NELL1: variants seen among roughly 807,000 people sequenced by gnomAD.
NELL1 encodes protein kinase C-binding protein NELL1.
Under a neutral mutation model 107.4 loss-of-function variants are expected in NELL1, and 76 were observed. The observed-to-expected ratio is 0.71, with a 90% CI of 0.59 to 0.86. The LOEUF is 0.86. Among genes scored for constraint, NELL1 ranks in the 40% least tolerant of loss-of-function variants. The pLI is 0.00. For missense variants in NELL1, 1,024 were observed against 1,005.5 expected (o/e 1.02, Z -0.25); for synonymous variants, 353 against 341.2 (o/e 1.03, Z -0.38).
At chr11:21,181,218 G>T (rs1286667515) in intron 13 of NELL1, among the ~76,000 whole-genome samples, 2 of 151,800 alleles carry the variant, frequency 1.3e-5, no homozygotes, top group African/African-American at 4.9e-5. Flanking sequence ...TTGTATTTAT[G>T]GGGGAAAAGC....
intron 13 of NELL1, among the ~76,000 whole-genome samples, chr11:21,155,612 A>AC (rs1206546654): frequency 2.0e-5 from 3 of 151,736 alleles, no homozygotes; most frequent in Non-Finnish European, 4.4e-5. Context: ...GTGTTGTAAA[A>AC]CCCCCCTTGG....
intron 3 of NELL1, among the ~76,000 whole-genome samples, chr11:20,804,792 A>G (rs1857347547): frequency 6.6e-6 from 1 of 152,172 alleles, no homozygotes; most frequent in South Asian, 2.1e-4. Flanking sequence ...AAAATCTATT[A>G]GGTCTATTTG....
chr11:21,205,186 T>C (rs1394789493), intron 13 of NELL1, among the ~76,000 whole-genome samples: 2 of 152,256 alleles, frequency 1.3e-5, no homozygotes, highest in Non-Finnish European at 2.9e-5. Flanking sequence ...GGCAGGCACA[T>C]TGAAGTCTGT....
chr11:20,830,195 T>G (rs1024034016), intron 3 of NELL1, among the ~76,000 whole-genome samples: 1 of 151,236 alleles, frequency 6.6e-6, no homozygotes, highest in African/African-American at 2.4e-5. Flanking sequence ...TTGCTTGAAC[T>G]TGGGAGATGG....
At chr11:21,185,648 C>T (rs978054210) in intron 13 of NELL1, among the ~76,000 whole-genome samples, 3 of 151,632 alleles carry the variant, frequency 2.0e-5, no homozygotes, top group South Asian at 2.1e-4. Context: ...TCCTAAGCCT[C>T]GGTTTTAGTT....
intron 15 of NELL1, among the ~76,000 whole-genome samples, chr11:21,519,545 GT>G (rs5790192): frequency 5.4e-5 from 8 of 147,120 alleles, no homozygotes; most frequent in East Asian, 2.0e-4. Flanking sequence ...TTTGTTTTTT[GT>G]TTTTTTTTTT....
chr11:21,570,443 A>G (rs188452395), intron 17 of NELL1, among the ~76,000 whole-genome samples: 2 of 152,026 alleles, frequency 1.3e-5, no homozygotes, highest in East Asian at 3.9e-4. Flanking sequence ...TGACTTATTG[A>G]TCATATATGC....
At chr11:20,910,221 C>T (rs566528782) in intron 5 of NELL1, among the ~76,000 whole-genome samples, 21 of 152,124 alleles carry the variant, frequency 1.4e-4, no homozygotes, top group Non-Finnish European at 2.9e-4. Flanking sequence ...TGGTGCTCGG[C>T]AATGTTTCAA....
intron 3 of NELL1, among the ~76,000 whole-genome samples, chr11:20,836,781 G>T (rs1848541642): frequency 6.6e-6 from 1 of 151,386 alleles, no homozygotes; most frequent in Non-Finnish European, 1.5e-5. Context: ...ACAGATTAAT[G>T]ATTTCCAGGG....
At chr11:21,026,624 G>A (rs146932692) in intron 12 of NELL1, among the ~76,000 whole-genome samples, 300 of 152,256 alleles carry the variant, frequency 2.0e-3, no homozygotes, top group Non-Finnish European at 3.8e-3. Flanking sequence ...AGTCACTATA[G>A]AACATTGCCT....
chr11:20,703,853 A>C (rs1390759411), intron 2 of NELL1, among the ~76,000 whole-genome samples: 1 of 152,220 alleles, frequency 6.6e-6, no homozygotes, highest in Non-Finnish European at 1.5e-5. Flanking sequence ...GTTTGATTGC[A>C]CTGTGGTCTG....
chr11:20,737,345 CAAAA>C, intron 2 of NELL1, among the ~76,000 whole-genome samples: 1 of 151,706 alleles, frequency 6.6e-6, no homozygotes, highest in South Asian at 2.1e-4. Flanking sequence ...TGAGTTAGAG[CAAAA>C]AAGGGCCAAG....
At chr11:20,933,919 C>G (rs538348317) in intron 9 of NELL1, among the ~76,000 whole-genome samples, 1 of 152,224 alleles carries the variant, frequency 6.6e-6, no homozygotes, top group South Asian at 2.1e-4. Flanking sequence ...TGTGTTGGTG[C>G]TAGGTTTCAA....
At chr11:21,010,417 C>G (rs1590535826) in intron 12 of NELL1, among the ~76,000 whole-genome samples, 1 of 152,066 alleles carries the variant, frequency 6.6e-6, no homozygotes, top group Admixed American at 6.6e-5. Context: ...TACAATAGAG[C>G]TAGGATCAAC....
chr11:20,758,029 G>C (rs2133954076), intron 2 of NELL1, among the ~76,000 whole-genome samples: 1 of 152,320 alleles, frequency 6.6e-6, no homozygotes, highest in Non-Finnish European at 1.5e-5. Flanking sequence ...GGCAGAGAGA[G>C]AGGGGCCAAG....
intron 13 of NELL1, among the ~76,000 whole-genome samples, chr11:21,162,759 T>A (rs1856400504): frequency 1.3e-5 from 2 of 152,182 alleles, no homozygotes; most frequent in African/African-American, 4.8e-5. Flanking sequence ...CGGAGACTGT[T>A]TATGTATTTG....
intron 9 of NELL1, among the ~76,000 whole-genome samples, chr11:20,929,050 G>T (rs1435858430): frequency 1.3e-5 from 2 of 152,182 alleles, no homozygotes; most frequent in Non-Finnish European, 2.9e-5. Context: ...ACTCTTTAGG[G>T]AGGTATTATT....
chr11:21,438,548 GT>G (rs1160256982), intron 15 of NELL1, among the ~76,000 whole-genome samples: 25 of 152,012 alleles, frequency 1.6e-4, no homozygotes, highest in African/African-American at 5.6e-4. Context: ...CATTAAATAG[GT>G]TTTTTATGCC....
chr11:21,370,007 G>T (rs2133751822), intron 14 of NELL1, among the ~76,000 whole-genome samples: 1 of 152,130 alleles, frequency 6.6e-6, no homozygotes, highest in African/African-American at 2.4e-5. Context: ...TATTCTTATG[G>T]GTCTTACAGT....
Sources: gnomAD v4.1 joint callset for allele counts (sites outside exome capture counted in the v4.1 genomes callset) on GRCh38, gnomAD v4.1.1 for gene constraint, MANE v1.5 for transcripts, NCBI Gene and HGNC (gene_info 2026-07-23, HGNC 2026-07-21) for gene names.